ELP6: variants seen among roughly 807,000 people sequenced by gnomAD.
ELP6 encodes elongator complex protein 6.
In ELP6, 23 loss-of-function variants were observed where a neutral mutation model predicts 28.1. The observed-to-expected ratio is 0.82, with a 90% CI of 0.59 to 1.16. The LOEUF is 1.16. Among genes scored for constraint, ELP6 ranks in the 50% most tolerant of loss-of-function variants. ELP6 has a pLI of 0.00. For synonymous variants in ELP6, 132 were observed against 135.8 expected (o/e 0.97, Z 0.19); for missense variants, 313 against 334.6 (o/e 0.94, Z 0.50).
At chr3:47,505,201 G>C (rs1277003902) in intron 3 of ELP6, among the ~76,000 whole-genome samples, 2 of 150,708 alleles carry the variant, frequency 1.3e-5, no homozygotes, top group Non-Finnish European at 3.0e-5. Flanking sequence ...GGGAGGTGGA[G>C]GTTGCATTGA....
At chr3:47,513,239 G>A in intron 1 of ELP6, 1 of 1,246,206 alleles carries the variant, frequency 8.0e-7, no homozygotes, top group Non-Finnish European at 1.0e-6. Context: ...TGATGCACCC[G>A]CCTCGGCCTC....
chr3:47,500,213 T>C (rs1433061435), intron 5 of ELP6: 9 of 1,081,724 alleles, frequency 8.3e-6, no homozygotes, highest in Non-Finnish European at 1.0e-5. Flanking sequence ...TACCGTGTAT[T>C]AATAAATGAA....
rs1041065236 is a variant in ELP6 at position 47,508,752 on chromosome 3, G to T, written c.204+1432C>A. Reference sequence around the variant, plus strand: ...GGGTGGGGGAGTTGCATCTCTGGGAGATTTTTTTTTTCCTTTTTTTTTTTT... The same window carrying T: ...GGGTGGGGGAGTTGCATCTCTGGGATATTTTTTTTTTCCTTTTTTTTTTTT... On this transcript the variant is annotated intron_variant, in intron 3 of 6. Transcript: ENST00000296149. Among the ~76,000 whole-genome samples the T allele has an allele frequency of 6.1e-5, 9 of 148,360 alleles. 1 individual carries two copies. In the Middle Eastern group the frequency reaches 0.01, roughly 173 times the overall value.
At chr3:47,506,603 G>A (rs200409526) in intron 3 of ELP6, among the ~76,000 whole-genome samples, 1 of 146,920 alleles carries the variant, frequency 6.8e-6, no homozygotes, top group South Asian at 2.2e-4. Flanking sequence ...GCTCTGTTCC[G>A]CCCGGCTCAC....
At chr3:47,504,948 A>G (rs1708782716) in intron 3 of ELP6, among the ~76,000 whole-genome samples, 1 of 152,002 alleles carries the variant, frequency 6.6e-6, no homozygotes, top group Non-Finnish European at 1.5e-5. Context: ...CAACAGAGCG[A>G]AACCCTGTCT....
intron 4 of ELP6, 105 bp from the exon 5 acceptor site, chr3:47,501,956 T>TTGTCC (rs1322932435): frequency 1.9e-6 from 2 of 1,060,082 alleles, no homozygotes; most frequent in Non-Finnish European, 2.7e-6. Context: ...AAGAACTGTA[T>TTGTCC]CACAATTCTT....
At chr3:47,513,435 G>C (rs1432165168) in intron 1 of ELP6, 102 bp downstream of exon 1, 10 of 1,537,976 alleles carry the variant, frequency 6.5e-6, no homozygotes, top group Non-Finnish European at 8.7e-6. Context: ...CCCCGTGCCG[G>C]GTCGTCGCGC....
chr3:47,513,353 C>T, intron 1 of ELP6, 184 bp downstream of exon 1: 1 of 1,407,690 alleles, frequency 7.1e-7, no homozygotes, highest in Non-Finnish European at 9.2e-7. Flanking sequence ...GGCCCAGAAG[C>T]CCACTTTCGG....
rs192932383 is a variant in ELP6 at position 47,512,027 on chromosome 3, C to T, written c.55-801G>A. 8 of 985,446 alleles carry T rather than the reference C, an allele frequency of 8.1e-6. No individual in the cohort carries two copies. In the Admixed American group the frequency reaches 4.9e-4, roughly 61 times the overall value. The allele number at this position is 985,446 out of a possible 1,614,324, so 61.0% of individuals were successfully genotyped here. On this transcript the variant is annotated intron_variant, in intron 1 of 6. Coordinates refer to ENST00000296149, the MANE Select transcript of ELP6 (RefSeq NM_001031703.3). ...TTTCCTGGTGCCCACTTGATTACTC[C>T]ATTCTTTCACCTGGCCCTAGGCTGA...
intron 3 of ELP6, among the ~76,000 whole-genome samples, chr3:47,508,210 G>C (rs1708902087): frequency 6.6e-6 from 1 of 152,204 alleles, no homozygotes; most frequent in Admixed American, 6.5e-5. Context: ...CCAATAGTAA[G>C]ACTGGATTTT....
rs1328237652 is a variant in ELP6 at position 47,504,435 on chromosome 3, G to A, written c.218C>T (p.Thr73Ile). Residue 73 changes from threonine (T) to isoleucine (I), a missense_variant, in exon 4 of 7, where the codon ACC becomes ATC. Transcript: ENST00000296149. Reference protein sequence around the residue: ...IVGQKLGVSLTMARERGQLVF... With the variant: ...IVGQKLGVSLIMARERGQLVF... ...AAGCTGCCCACGCTCCCGCGCCATGGTCAGGCTGACACCCTAAACATGAAA... is the reference window on the plus strand; with the variant it reads ...AAGCTGCCCACGCTCCCGCGCCATGATCAGGCTGACACCCTAAACATGAAA... 2 of 1,608,114 alleles carry A rather than the reference G, an allele frequency of 1.2e-6. No homozygotes were observed. Among genetic ancestry groups the A allele is most frequent in the Admixed American group, 1.7e-5 (1 of 59,434 alleles).
At chr3:47,498,998 C>T (rs1460180507) in intron 5 of ELP6, among the ~76,000 whole-genome samples, 2 of 152,126 alleles carry the variant, frequency 1.3e-5, no homozygotes, top group Non-Finnish European at 2.9e-5. Flanking sequence ...GTTAGCCAAG[C>T]CAAAATGGAG....
chr3:47,498,815 G>C, intron 5 of ELP6: 1 of 598,544 alleles, frequency 1.7e-6, no homozygotes, highest in Non-Finnish European at 2.1e-6. Flanking sequence ...GGAATAACAA[G>C]TGAGAGATAT....
At chr3:47,496,739 C>T in intron 6 of ELP6, 12 of 955,018 alleles carry the variant, frequency 1.3e-5, no homozygotes, top group Non-Finnish European at 1.5e-5. Flanking sequence ...GGTGATCCGC[C>T]CACCTCGGCC....
Position 47,498,103 on chromosome 3 carries a change from T to C in ELP6, c.672+183A>G, listed in dbSNP as rs1380924045. 1.2e-5 allele frequency: 16 copies of C among 1,362,362 alleles called. No individual in the cohort carries two copies. The South Asian group carries it at 2.0e-4, about 17-fold the overall frequency. The allele number at this position is 1,362,362 out of a possible 1,614,324, so 84.4% of individuals were successfully genotyped here. On this transcript the variant is annotated intron_variant, in intron 6 of 6. Coordinates refer to ENST00000296149, the MANE Select transcript of ELP6 (RefSeq NM_001031703.3). Reference sequence around the variant, plus strand: ...GACCCCCATGGAAAACGTGGGCTGGTCCATGAGGCTAAGCGCAATCTGGAG... The same window carrying C: ...GACCCCCATGGAAAACGTGGGCTGGCCCATGAGGCTAAGCGCAATCTGGAG...
intron 6 of ELP6, chr3:47,497,067 C>A (rs1708498732): frequency 1.0e-6 from 1 of 979,958 alleles, no homozygotes; most frequent in Admixed American, 6.2e-5. Flanking sequence ...CTCTGAAGGA[C>A]TCTGGGCCAA....
chr3:47,502,498 T>C (rs1044270192), intron 4 of ELP6: 2 of 983,854 alleles, frequency 2.0e-6, no homozygotes, highest in Non-Finnish European at 2.4e-6. Context: ...TCAGCTTGGA[T>C]TGGGCAGGCG....
chr3:47,496,945 T>C, intron 6 of ELP6: 2 of 985,462 alleles, frequency 2.0e-6, no homozygotes, highest in Non-Finnish European at 2.4e-6. Context: ...TCTGGGGGTC[T>C]GGCTGAAGAG....
chr3:47,509,377 G>A (rs1162572288), intron 3 of ELP6, among the ~76,000 whole-genome samples: 1 of 152,248 alleles, frequency 6.6e-6, no homozygotes, highest in African/African-American at 2.4e-5. Flanking sequence ...TTCACAGGCA[G>A]TGAAGTCCAC....
Sources: allele counts gnomAD v4.1 joint callset (sites outside exome capture counted in the v4.1 genomes callset), GRCh38; gene constraint gnomAD v4.1.1; transcripts MANE v1.5; gene names NCBI Gene and HGNC (gene_info 2026-07-23, HGNC 2026-07-21).